RWDD1: variants seen among roughly 807,000 people sequenced by gnomAD.
RWDD1 encodes the protein RWD domain-containing protein 1.
Under a neutral mutation model 31.6 loss-of-function variants are expected in RWDD1, and 17 were observed. The observed-to-expected ratio is 0.54, with a 90% CI of 0.37 to 0.81. The LOEUF is 0.81. Ranked by LOEUF, RWDD1 falls within the 30% of genes least tolerant of loss-of-function variation. RWDD1 has a pLI of 0.00. For synonymous variants in RWDD1, 78 were observed against 94.2 expected (o/e 0.83, Z 0.99); for missense variants, 204 against 274.5 (o/e 0.74, Z 1.82).
chr6:116,591,284 C>T (rs1775140115), intron 6 of RWDD1, among the ~76,000 whole-genome samples: 1 of 151,992 alleles, frequency 6.6e-6, no homozygotes, highest in African/African-American at 2.4e-5. Flanking sequence ...AATTCTATAG[C>T]AACATATATT....
At position 116,571,511 on chromosome 6, in the gene RWDD1, C is replaced by A; in HGVS notation, c.-72C>A. 2 of 1,483,280 alleles carry A rather than the reference C, an allele frequency of 1.3e-6. No individual in the cohort carries two copies. Among genetic ancestry groups the A allele is most frequent in the Non-Finnish European group, 9.1e-7 (1 of 1,101,374 alleles). The allele number at this position is 1,483,280 out of a possible 1,614,324, so 91.9% of individuals were successfully genotyped here. A position where few individuals can be genotyped will look rare whatever the true frequency, so the allele number is the denominator to read the frequency against. On this transcript the variant is annotated 5_prime_UTR_variant, in exon 1 of 7. Transcript: ENST00000466444. ...GCCTGGCCGCCGCCCGCTCTCCCGG[C>A]GCGGCAGCTGTCTGGGCTGCTGCGC...
chr6:116,589,091 AAAAT>A (rs1775093972), intron 4 of RWDD1, 106 bp downstream of exon 4: 5 of 964,962 alleles, frequency 5.2e-6, no homozygotes, highest in East Asian at 4.0e-5. Flanking sequence ...GGAAATCACA[AAAAT>A]AAATAAAAGT....
Position 116,576,041 on chromosome 6 carries a change from A to T in RWDD1, c.74-4254A>T, listed in dbSNP as rs1233079646. Among the ~76,000 whole-genome samples, 6 of 152,308 alleles carry T rather than the reference A, an allele frequency of 3.9e-5. No individual in the cohort carries two copies. In the East Asian group the frequency reaches 9.6e-4, roughly 24 times the overall value. On this transcript the variant is annotated intron_variant, in intron 1 of 6. Coordinates refer to ENST00000466444, the MANE Select transcript of RWDD1 (RefSeq NM_015952.4). The stretch of plus-strand genomic sequence containing the variant: ...CTCAGTTAAAAATGGCATAACTTTA[A>T]GAGTGGATATTGGGAGACTTTTAGC...
At chr6:116,571,796 G>A in intron 1 of RWDD1, 141 bp downstream of exon 1, 3 of 591,236 alleles carry the variant, frequency 5.1e-6, no homozygotes, top group South Asian at 4.4e-5. Flanking sequence ...CACTCCTCAA[G>A]TTCTTCAGTC....
At chr6:116,582,459 A>T (rs983611848) in intron 2 of RWDD1, among the ~76,000 whole-genome samples, 3 of 151,970 alleles carry the variant, frequency 2.0e-5, no homozygotes, top group African/African-American at 4.8e-5. Context: ...TTATTTTTTT[A>T]ATTTACTTTT....
Position 116,594,298 on chromosome 6 carries a change from T to C in RWDD1, c.*1197T>C, listed in dbSNP as rs1444830983. ...ATGTGGGATTTGGAGAGGACAAATA[T>C]CCAAACCATAGCAGTCTTAAAGTAT... On this transcript the variant is annotated 3_prime_UTR_variant, in exon 7 of 7. Coordinates refer to ENST00000466444, the MANE Select transcript of RWDD1 (RefSeq NM_015952.4). 6.6e-6 allele frequency: 1 copy of C among 151,784 alleles called. No individual in the cohort carries two copies. Among genetic ancestry groups the C allele is most frequent in the African/African-American group, 2.4e-5 (1 of 41,290 alleles). The allele number at this position is 151,784 out of a possible 1,614,324, so 9.4% of individuals were successfully genotyped here.
intron 5 of RWDD1, 53 bp downstream of exon 5, chr6:116,590,457 TA>T (rs1320402613): frequency 4.0e-6 from 6 of 1,498,508 alleles, no homozygotes; most frequent in Admixed American, 2.5e-5. Flanking sequence ...TATCATTTTT[TA>T]TATAGCAAGA....
At chr6:116,588,680 C>A (rs9488975) in intron 3 of RWDD1, among the ~76,000 whole-genome samples, 162 bp from the exon 4 acceptor site, 1 of 151,834 alleles carries the variant, frequency 6.6e-6, no homozygotes, top group Admixed American at 6.6e-5. Flanking sequence ...CACATTTACA[C>A]GACTTTTTAA....
rs62622856 is a variant in RWDD1, at chr6:116,571,571, G to A, written c.-12G>A. 47,256 of 1,612,576 alleles carry A rather than the reference G, an allele frequency of 0.029. 858 individuals carry two copies. The highest frequency in any genetic ancestry group is 0.088 in the Middle Eastern group (534 of 6,054). Reference sequence around the variant, plus strand: ...GTGTCTGGGCGATCTATGGGCAAGAGCAAGGGCCACGATGACAGATTACGG... The same window carrying A: ...GTGTCTGGGCGATCTATGGGCAAGAACAAGGGCCACGATGACAGATTACGG... On this transcript the variant is annotated 5_prime_UTR_variant, in exon 1 of 7. Coordinates refer to ENST00000466444, the MANE Select transcript of RWDD1 (RefSeq NM_015952.4).
chr6:116,590,694 C>G (rs1015077206), intron 5 of RWDD1, among the ~76,000 whole-genome samples, 194 bp from the exon 6 acceptor site: 6 of 152,036 alleles, frequency 3.9e-5, no homozygotes, highest in African/African-American at 7.2e-5. Flanking sequence ...TCTAGTACCC[C>G]AAGGCAGACT....
chr6:116,576,004 G>T (rs1445674335), intron 1 of RWDD1, among the ~76,000 whole-genome samples: 1 of 152,186 alleles, frequency 6.6e-6, no homozygotes, highest in Non-Finnish European at 1.5e-5. Context: ...CTTTATTCTG[G>T]TAGTCAGTAT....
At chr6:116,574,666 TTC>T (rs753852054) in intron 1 of RWDD1, among the ~76,000 whole-genome samples, 12 of 103,318 alleles carry the variant, frequency 1.2e-4, no homozygotes, top group Non-Finnish European at 2.0e-4. Context: ...CTTTCTTTCT[TTC>T]TCTCTCTCTC....
chr6:116,571,750 A>G (rs1409692007), intron 1 of RWDD1, 95 bp downstream of exon 1: 4 of 1,144,060 alleles, frequency 3.5e-6, no homozygotes, highest in Middle Eastern at 2.3e-4. Context: ...TGGGGTGGAG[A>G]AGGGGACCTT....
chr6:116,571,835 C>T (rs546406758), intron 1 of RWDD1, among the ~76,000 whole-genome samples, 180 bp downstream of exon 1: 21 of 151,992 alleles, frequency 1.4e-4, no homozygotes, highest in Non-Finnish European at 2.6e-4. Context: ...GACTTTTTCT[C>T]CTTCTCTGCT....
Position 116,584,871 on chromosome 6 carries a change from A to T in RWDD1, c.270+14A>T. Reference sequence around the variant, plus strand: ...CTAGCATTACAGGTAAGGAAATAATAATTTTATGTTTTGTAGCAGCATTTA... The same window carrying T: ...CTAGCATTACAGGTAAGGAAATAATTATTTTATGTTTTGTAGCAGCATTTA... On this transcript the variant is annotated intron_variant, in intron 3 of 6. Transcript: ENST00000466444. The T allele has an allele frequency of 1.3e-6, 2 of 1,551,056 alleles. No homozygotes were observed. Among genetic ancestry groups the T allele is most frequent in the Non-Finnish European group, 1.8e-6 (2 of 1,126,444 alleles).
At chr6:116,582,136 A>G (rs1190287643) in intron 2 of RWDD1, among the ~76,000 whole-genome samples, 3 of 151,964 alleles carry the variant, frequency 2.0e-5, no homozygotes, top group African/African-American at 7.2e-5. Context: ...TACTTAAAAT[A>G]TACCAAAATG....
At chr6:116,585,947 C>T (rs1417351962) in intron 3 of RWDD1, among the ~76,000 whole-genome samples, 1 of 152,116 alleles carries the variant, frequency 6.6e-6, no homozygotes, top group Non-Finnish European at 1.5e-5. Flanking sequence ...GCATGAACTA[C>T]CTTGCCCAGC....
rs1264271789 is a variant in RWDD1 at position 116,571,533 on chromosome 6, G to T, written c.-50G>T. The T allele has an allele frequency of 1.3e-6, 2 of 1,581,740 alleles. No individual in the cohort carries two copies. The highest frequency in any genetic ancestry group is 1.7e-6 in the Non-Finnish European group (2 of 1,161,464). On this transcript the variant is annotated 5_prime_UTR_variant, in exon 1 of 7. Coordinates refer to ENST00000466444, the MANE Select transcript of RWDD1 (RefSeq NM_015952.4). The stretch of plus-strand genomic sequence containing the variant: ...CGGCGCGGCAGCTGTCTGGGCTGCT[G>T]CGCGCCGCCTAGGTGTCTGGGCGAT...
At chr6:116,586,168 T>C (rs1401445275) in intron 3 of RWDD1, among the ~76,000 whole-genome samples, 1 of 152,182 alleles carries the variant, frequency 6.6e-6, no homozygotes, top group East Asian at 1.9e-4. Flanking sequence ...GTATTTGTCC[T>C]TTGTTTTCCA....
Sources: gnomAD v4.1 joint callset for allele counts (sites outside exome capture counted in the v4.1 genomes callset) on GRCh38, gnomAD v4.1.1 for gene constraint, MANE v1.5 for transcripts, NCBI Gene and HGNC (gene_info 2026-07-23, HGNC 2026-07-21) for gene names.